ESR1: variants seen among roughly 807,000 people sequenced by gnomAD.
The protein encoded by ESR1 is estrogen receptor.
A neutral mutation model predicts 52.7 loss-of-function variants in ESR1; 12 were observed. That is an observed-to-expected ratio of 0.23 (90% CI 0.15 to 0.37). ESR1 has a LOEUF of 0.37. ESR1 is among the 10% of genes least tolerant of loss of function. ESR1 has a pLI of 1.00. For missense variants in ESR1, 584 were observed against 779.7 expected, an observed-to-expected ratio of 0.75 and a Z score of 2.99; for synonymous variants, 305 against 316.8, an observed-to-expected ratio of 0.96 and a Z score of 0.39.
At position 151,998,427 on chromosome 6, in the gene ESR1, A is replaced by G. The variant is rs550863451; in HGVS notation, c.1097-13229A>G. 2.6e-5 allele frequency among the ~76,000 whole-genome samples: 4 copies of G among 151,986 alleles called. No homozygotes were observed. The East Asian group carries it at 7.8e-4, about 30-fold the overall frequency. On this transcript the variant is annotated intron_variant, in intron 4 of 7. Coordinates refer to ENST00000206249, the MANE Select transcript of ESR1 (RefSeq NM_000125.4). ...AACATTCACTCAGAATCCTTTTTGAATATCAGTTTTGTGAAAAGCACCGTG... is the reference window on the plus strand; with the variant it reads ...AACATTCACTCAGAATCCTTTTTGAGTATCAGTTTTGTGAAAAGCACCGTG...
At chr6:152,078,113 G>C (rs564961911) in intron 6 of ESR1, among the ~76,000 whole-genome samples, 2 of 152,274 alleles carry the variant, frequency 1.3e-5, no homozygotes, top group South Asian at 2.1e-4. Context: ...GAGGGACCTG[G>C]TGGGAAACAA....
intron 2 of ESR1, among the ~76,000 whole-genome samples, chr6:151,739,229 T>C (rs1211935875): frequency 5.3e-5 from 8 of 152,180 alleles, no homozygotes; most frequent in Admixed American, 4.6e-4. Context: ...GGAGTACCTA[T>C]GTCAGAGTTG....
chr6:151,884,732 C>G (rs895326148), intron 3 of ESR1, among the ~76,000 whole-genome samples: 3 of 152,142 alleles, frequency 2.0e-5, no homozygotes, highest in Non-Finnish European at 4.4e-5. Flanking sequence ...ATTGCACTTT[C>G]GGGAATGTGC....
chr6:151,687,678 G>A (rs547185550), upstream of ESR1, among the ~76,000 whole-genome samples: 13 of 152,322 alleles, frequency 8.5e-5, no homozygotes, highest in South Asian at 2.5e-3. Flanking sequence ...GTGGAAGCCA[G>A]GCTGTTAGTG....
intron 4 of ESR1, among the ~76,000 whole-genome samples, chr6:151,993,551 T>C (rs2041218919): frequency 6.6e-6 from 1 of 152,190 alleles, no homozygotes; most frequent in Non-Finnish European, 1.5e-5. Context: ...TCCCAGACCC[T>C]GGGACCAGCT....
At chr6:152,087,460 A>G (rs1013154396) in intron 6 of ESR1, among the ~76,000 whole-genome samples, 2 of 152,204 alleles carry the variant, frequency 1.3e-5, no homozygotes, top group African/African-American at 2.4e-5. Flanking sequence ...AAAATGTATA[A>G]TGGCTCAAAC....
intron 4 of ESR1, among the ~76,000 whole-genome samples, chr6:151,985,584 G>T (rs1158635093): frequency 1.3e-5 from 2 of 150,160 alleles, no homozygotes; most frequent in African/African-American, 4.9e-5. Flanking sequence ...CTATAGATGA[G>T]GCCAGTGGAT....
At position 152,099,357 on chromosome 6, in the gene ESR1, A is replaced by G. The variant is rs2050879812; in HGVS notation, c.*391A>G. 1 of 363,904 alleles carries G rather than the reference A, an allele frequency of 2.7e-6. No homozygotes were observed. Among genetic ancestry groups the G allele is most frequent in the African/African-American group, 2.0e-5 (1 of 50,116 alleles). The allele number at this position is 363,904 out of a possible 1,614,324, so 22.5% of individuals were successfully genotyped here. A position where few individuals can be genotyped will look rare whatever the true frequency, so the allele number is the denominator to read the frequency against. On this transcript the variant is annotated 3_prime_UTR_variant, in exon 8 of 8. Coordinates refer to ENST00000206249, the MANE Select transcript of ESR1 (RefSeq NM_000125.4). ...TTTGCCTCTGATAAGCACTTTTTAA[A>G]TGGCTCTAAGAATAAGCCACAGCAA...
intron 5 of ESR1, among the ~76,000 whole-genome samples, chr6:152,034,748 G>C (rs138958177): frequency 6.6e-6 from 1 of 152,290 alleles, no homozygotes; most frequent in African/African-American, 2.4e-5. Context: ...GAGCCGAATT[G>C]TCAGTGCAGA....
downstream of ESR1, among the ~76,000 whole-genome samples, chr6:152,106,333 G>A (rs894346175): frequency 3.3e-5 from 5 of 152,114 alleles, no homozygotes; most frequent in South Asian, 4.1e-4. Context: ...ACTAATCTGC[G>A]TATTTGCCAA....
intron 4 of ESR1, among the ~76,000 whole-genome samples, chr6:151,985,507 C>CAAAAAAAAAAAAAACAAAAAAACAAA (rs2040376685): frequency 1.9e-5 from 1 of 51,340 alleles, no homozygotes; most frequent in African/African-American, 1.2e-4. Context: ...GACTCTGTCT[C>CAAAAAAAAAAAAAACAAAAAAACAAA]AAAAAAAAAA....
At chr6:151,916,530 G>C (rs2030242829) in intron 3 of ESR1, among the ~76,000 whole-genome samples, 1 of 152,114 alleles carries the variant, frequency 6.6e-6, no homozygotes, top group Non-Finnish European at 1.5e-5. Flanking sequence ...AATAAGCATG[G>C]TGAGAAAGAA....
At chr6:151,776,638 G>A (rs920404573) in intron 2 of ESR1, among the ~76,000 whole-genome samples, 4 of 152,212 alleles carry the variant, frequency 2.6e-5, no homozygotes, top group African/African-American at 9.6e-5. Flanking sequence ...AGGAGTTCGA[G>A]ATCAGCCTGG....
chr6:152,011,913 T>C (rs971028593), intron 5 of ESR1, 119 bp downstream of exon 5: 3 of 1,151,852 alleles, frequency 2.6e-6, no homozygotes, highest in Non-Finnish European at 3.7e-6. Flanking sequence ...TATGTTTACT[T>C]AACAAAAGAG....
At chr6:151,874,573 T>C (rs1294034808) in intron 2 of ESR1, among the ~76,000 whole-genome samples, 6 of 152,194 alleles carry the variant, frequency 3.9e-5, no homozygotes, top group African/African-American at 1.2e-4. Context: ...TTGTAGGCTA[T>C]GATGGAAGCA....
At chr6:151,944,119 A>G in intron 3 of ESR1, 54 bp from the exon 4 acceptor site, 3 of 1,532,598 alleles carry the variant, frequency 2.0e-6, no homozygotes, top group Non-Finnish European at 2.7e-6. Context: ...TTTTTGTATA[A>G]AAGTTTACAC....
intron 3 of ESR1, among the ~76,000 whole-genome samples, chr6:151,928,410 T>C (rs2033086785): frequency 2.0e-5 from 3 of 152,192 alleles, no homozygotes. Context: ...TTGCTGCTGC[T>C]GCCCAGCATT....
chr6:151,850,824 T>C (rs1389917239), intron 2 of ESR1, among the ~76,000 whole-genome samples: 2 of 152,236 alleles, frequency 1.3e-5, no homozygotes, highest in African/African-American at 4.8e-5. Flanking sequence ...TCTCCTTAAA[T>C]GCATTTTCAT....
intron 5 of ESR1, among the ~76,000 whole-genome samples, chr6:152,047,910 G>T (rs1248726890): frequency 6.6e-6 from 1 of 150,700 alleles, no homozygotes; most frequent in Admixed American, 6.6e-5. Context: ...GGGGTCACAG[G>T]GTTCCAGGAT....
Sources: allele counts gnomAD v4.1 joint callset (sites outside exome capture counted in the v4.1 genomes callset), GRCh38; gene constraint gnomAD v4.1.1; transcripts MANE v1.5; gene names NCBI Gene and HGNC (gene_info 2026-07-23, HGNC 2026-07-21).